ARID3B: variants seen among roughly 807,000 people sequenced by gnomAD.
The protein encoded by ARID3B is AT-rich interactive domain-containing protein 3B.
ARID3B carries 10 observed loss-of-function variants against 51.9 expected under a neutral mutation model. The ratio of observed to expected loss-of-function variants is 0.19; its 90% CI spans 0.12 to 0.33. The LOEUF (loss-of-function observed/expected upper bound fraction) is 0.33. Ranked by LOEUF, ARID3B falls within the 10% of genes least tolerant of loss-of-function variation. ARID3B has a pLI of 1.00. For missense variants in ARID3B, 483 were observed against 716.3 expected, an observed-to-expected ratio of 0.67 and a Z score of 3.72; for synonymous variants, 205 against 279.5, an observed-to-expected ratio of 0.73 and a Z score of 2.66.
intron 2 of ARID3B, among the ~76,000 whole-genome samples, chr15:74,563,295 A>G (rs959489324): frequency 5.3e-5 from 8 of 152,208 alleles, no homozygotes; most frequent in Non-Finnish European, 1.0e-4. Flanking sequence ...AGGAAGCCTT[A>G]GGAGAAGCTC....
chr15:74,585,938 G>A (rs1056538665), intron 4 of ARID3B, among the ~76,000 whole-genome samples: 2 of 152,194 alleles, frequency 1.3e-5, no homozygotes, highest in Non-Finnish European at 2.9e-5. Context: ...GAGAGCCCTC[G>A]GCATAGCCTC....
intron 2 of ARID3B, among the ~76,000 whole-genome samples, chr15:74,549,958 G>A (rs1439687475): frequency 1.3e-5 from 2 of 152,234 alleles, no homozygotes; most frequent in Non-Finnish European, 2.9e-5. Flanking sequence ...GTAGTGCCAA[G>A]GTTGAGAAAC....
intron 4 of ARID3B, among the ~76,000 whole-genome samples, chr15:74,585,772 T>G (rs956662689): frequency 6.6e-6 from 1 of 152,218 alleles, no homozygotes; most frequent in African/African-American, 2.4e-5. Context: ...AGAATCTACT[T>G]TGGACAAGAG....
intron 1 of ARID3B, among the ~76,000 whole-genome samples, chr15:74,541,711 G>C (rs944378057): frequency 6.6e-6 from 1 of 152,002 alleles, no homozygotes; most frequent in Non-Finnish European, 1.5e-5. Flanking sequence ...AGGGGTGACC[G>C]GGAAGGTGGG....
intron 1 of ARID3B, among the ~76,000 whole-genome samples, chr15:74,543,178 T>C (rs2061600826): frequency 6.6e-6 from 1 of 152,254 alleles, no homozygotes; most frequent in Non-Finnish European, 1.5e-5. Context: ...TCCTTGCGTG[T>C]TTCTTTCATG....
In ARID3B at chr15:74,566,886, A is replaced by G. The variant is rs552869062; in HGVS notation, c.553-5976A>G. On this transcript the variant is annotated intron_variant, in intron 2 of 8. Transcript: ENST00000346246. ...TGTTCCTTTTCCTTCAGAACCTTTT[A>G]CCATAACTGGTAAATTCTAGGTGAT... 1.6e-4 allele frequency among the ~76,000 whole-genome samples: 24 copies of G among 152,298 alleles called. No homozygotes were observed. The South Asian group carries it at 3.3e-3, about 21-fold the overall frequency.
In ARID3B at chr15:74,597,884, C is replaced by A. The variant is rs1231450438; in HGVS notation, c.*2110C>A. The A allele has an allele frequency of 1.5e-5, 8 of 528,036 alleles. No homozygotes were observed. The highest frequency in any genetic ancestry group is 2.2e-5 in the Non-Finnish European group (6 of 272,388). 32.7% of individuals were successfully genotyped at this position (528,036 alleles called of 1,614,324 possible). A position where few individuals can be genotyped will look rare whatever the true frequency, so the allele number is the denominator to read the frequency against. On this transcript the variant is annotated 3_prime_UTR_variant, in exon 9 of 9. Transcript: ENST00000346246. The stretch of plus-strand genomic sequence containing the variant: ...TGAGGGGTGCCAGCAGGTGCCCCCA[C>A]GAGTGGGGCCTTGGCCCAAGCAGAG...
At chr15:74,546,784 G>A (rs1471721058) in intron 2 of ARID3B, among the ~76,000 whole-genome samples, 2 of 152,148 alleles carry the variant, frequency 1.3e-5, no homozygotes, top group Non-Finnish European at 2.9e-5. Context: ...CTTCCCCCAG[G>A]ATTTGGAGAT....
intron 2 of ARID3B, among the ~76,000 whole-genome samples, chr15:74,562,953 C>T (rs1017274203): frequency 1.3e-5 from 2 of 152,210 alleles, no homozygotes. Flanking sequence ...ATATTGCCTT[C>T]TAGACCCCTT....
intron 2 of ARID3B, among the ~76,000 whole-genome samples, chr15:74,572,058 G>A (rs138117284): frequency 2.5e-3 from 379 of 152,124 alleles, no homozygotes; most frequent in African/African-American, 9.0e-3. Flanking sequence ...GCAGTGAGCC[G>A]AGATCGTGCC....
intron 4 of ARID3B, among the ~76,000 whole-genome samples, chr15:74,586,882 G>A (rs1183729908): frequency 6.6e-6 from 1 of 152,182 alleles, no homozygotes; most frequent in East Asian, 1.9e-4. Flanking sequence ...TTCTGAGAGG[G>A]AAGAAACCCA....
At position 74,544,285 on chromosome 15, in the gene ARID3B, G is replaced by C. The variant is rs200098384; in HGVS notation, c.349G>C (p.Ala117Pro). 73 of 1,614,096 alleles carry C rather than the reference G, an allele frequency of 4.5e-5. No individual in the cohort carries two copies. In the East Asian group the frequency reaches 1.4e-3, roughly 32 times the overall value. The change falls in exon 2 of 9, where the codon GCT becomes CCT. Residue 117 changes from alanine to proline, a missense_variant. Physicochemically the swap from Ala to Pro is conservative, Grantham distance 27. Around this residue, in one of 3 missense-constraint regions of ARID3B, gnomAD observed 182 missense variants for 244.5 expected, o/e 0.74. Coordinates refer to ENST00000346246, the MANE Select transcript of ARID3B (RefSeq NM_006465.4). ...AGAGGTGGCTGAGAAAGAAACCCAG[G>C]CTGCTTCAAAATATTTTCATGTGCA... ...VAEVAEKETQ[A>P]ASKYFHVQKV...
At chr15:74,556,678 C>T (rs2061659070) in intron 2 of ARID3B, among the ~76,000 whole-genome samples, 1 of 152,128 alleles carries the variant, frequency 6.6e-6, no homozygotes, top group African/African-American at 2.4e-5. Flanking sequence ...TTTATTTAGA[C>T]TTACGAAGTT....
At chr15:74,579,880 C>T (rs531738590) in intron 4 of ARID3B, among the ~76,000 whole-genome samples, 22 of 140,016 alleles carry the variant, frequency 1.6e-4, no homozygotes, top group Non-Finnish European at 2.4e-4. Flanking sequence ...TGTGCGCGCG[C>T]GCGCACACGC....
chr15:74,584,391 G>T (rs1393115063), intron 4 of ARID3B, among the ~76,000 whole-genome samples: 1 of 152,186 alleles, frequency 6.6e-6, no homozygotes, highest in Non-Finnish European at 1.5e-5. Context: ...AGGCTCTCTG[G>T]TCAGCTCTCT....
intron 8 of ARID3B, 85 bp from the exon 9 acceptor site, chr15:74,595,526 G>C: frequency 1.3e-6 from 2 of 1,483,366 alleles, no homozygotes; most frequent in South Asian, 1.3e-5. Flanking sequence ...CACAGGCTAG[G>C]CCAGCGGTGA....
Position 74,544,211 on chromosome 15 carries a change from A to G in ARID3B, c.275A>G (p.Glu92Gly). 1 of 1,614,090 alleles carries G rather than the reference A, an allele frequency of 6.2e-7. No individual in the cohort carries two copies. Among genetic ancestry groups the G allele is most frequent in the Non-Finnish European group, 8.5e-7 (1 of 1,179,906 alleles). The change falls in exon 2 of 9, where the codon GAG (glutamate) becomes GGG (glycine). Residue 92 changes from glutamate to glycine, a missense_variant. Physicochemically the swap from Glu to Gly is moderately conservative, Grantham distance 98. Around this residue, in one of 3 missense-constraint regions of ARID3B, gnomAD observed 182 missense variants for 244.5 expected, o/e 0.74. Coordinates refer to ENST00000346246, the MANE Select transcript of ARID3B (RefSeq NM_006465.4). The stretch of plus-strand genomic sequence containing the variant: ...CGGGGCAACATGAACTCAGAGCCTG[A>G]GGAAGAGGACGGAGGTTTGGAAGAT... ...FERGNMNSEP[E>G]EEDGGLEDED...
chr15:74,577,100 T>C (rs1455159816), intron 4 of ARID3B, among the ~76,000 whole-genome samples: 1 of 152,138 alleles, frequency 6.6e-6, no homozygotes, highest in Non-Finnish European at 1.5e-5. Flanking sequence ...AGGAAGATAG[T>C]GTAGAGGTTG....
At chr15:74,576,054 G>A (rs981616292) in intron 4 of ARID3B, among the ~76,000 whole-genome samples, 2 of 152,172 alleles carry the variant, frequency 1.3e-5, no homozygotes, top group Non-Finnish European at 2.9e-5. Context: ...GCACCACCAT[G>A]CCTGGCTAAC....
Sources: gnomAD v4.1 joint callset for allele counts (sites outside exome capture counted in the v4.1 genomes callset) on GRCh38, gnomAD v4.1.1 for gene constraint, gnomAD v4.1.1 regional missense constraint, MANE v1.5 for transcripts, NCBI Gene and HGNC (gene_info 2026-07-23, HGNC 2026-07-21) for gene names.